The following CDC123 variants were observed in gnomAD, a reference collection of about 807,000 sequenced individuals.
CDC123 encodes cell division cycle 123.
In CDC123, 37 loss-of-function variants were observed where a neutral mutation model predicts 54.4. The observed-to-expected ratio is 0.68, with a 90% CI of 0.52 to 0.89. The LOEUF (loss-of-function observed/expected upper bound fraction) is 0.89. Ranked by LOEUF, CDC123 falls within the 40% of genes least tolerant of loss-of-function variation. The probability of loss-of-function intolerance (pLI) is 0.00; values close to 1 mark genes in which losing one functional copy is unlikely to be tolerated. For synonymous variants in CDC123, 144 were observed against 136.8 expected (o/e 1.05, Z -0.37); for missense variants, 361 against 412.1 (o/e 0.88, Z 1.07).
chr10:12,196,644 T>A (rs1264324829), intron 1 of CDC123, among the ~76,000 whole-genome samples: 1 of 152,148 alleles, frequency 6.6e-6, no homozygotes, highest in Non-Finnish European at 1.5e-5. Context: ...CTCGGAGAAT[T>A]AATTGCTTTT....
chr10:12,242,557 CA>C (rs1463823357), intron 10 of CDC123, among the ~76,000 whole-genome samples: 2 of 152,184 alleles, frequency 1.3e-5, no homozygotes, highest in African/African-American at 4.8e-5. Context: ...TCAGCTGGTA[CA>C]AGGACAGTTA....
chr10:12,209,931 C>T (rs931042498), intron 2 of CDC123, 36 bp from the exon 3 acceptor site: 2 of 1,607,720 alleles, frequency 1.2e-6, no homozygotes, highest in African/African-American at 2.7e-5. Context: ...GTGCCCAAGT[C>T]CTTTTCTTTC....
chr10:12,238,703 T>C (rs1836012365), intron 10 of CDC123, among the ~76,000 whole-genome samples: 1 of 151,260 alleles, frequency 6.6e-6, no homozygotes, highest in Admixed American at 6.6e-5. Flanking sequence ...TAGTGAGCCC[T>C]CATCTCTACT....
chr10:12,210,318 T>C lies in CDC123; in HGVS notation c.233T>C (p.Leu78Pro), dbSNP rs576857381. 3 of 1,614,122 alleles carry C rather than the reference T, an allele frequency of 1.9e-6. No homozygotes were observed. The highest frequency in any genetic ancestry group is 2.2e-5 in the East Asian group (1 of 44,892). ...TCTGATGATGAGAACACAGCCACGC[T>C]TACGGTAAGAGCACAGCAGACTCAG... ...QWSDDENTAT[L>P]TAPEFPEFAT... The change falls in exon 4 of 13, where the codon CTT becomes CCT. Residue 78 changes from leucine to proline, a missense_variant. Physicochemically the swap from Leu to Pro is moderately conservative, Grantham distance 98. Coordinates refer to ENST00000281141, the MANE Select transcript of CDC123 (RefSeq NM_006023.3).
At chr10:12,231,849 CT>C (rs969440056) in intron 7 of CDC123, among the ~76,000 whole-genome samples, 17 of 151,346 alleles carry the variant, frequency 1.1e-4, no homozygotes, top group Non-Finnish European at 2.5e-4. Context: ...ACTTTTTTTT[CT>C]TTTTTTCTTT....
intron 12 of CDC123, 47 bp from the exon 13 acceptor site, chr10:12,250,264 C>T (rs745596211): frequency 3.1e-6 from 4 of 1,294,806 alleles, no homozygotes; most frequent in African/African-American, 3.0e-5. Context: ...AGCAGATATC[C>T]CAAGGAGCAT....
chr10:12,230,997 G>A lies in CDC123; in HGVS notation c.489+1G>A, dbSNP rs1835895703. ...TCCAGATCCATGTATAGAATATGAG[G>A]TAAGAAGCTTATTTTCTTTGATAAT... On this transcript the variant is annotated splice_donor_variant, in intron 7 of 12. Transcript: ENST00000281141. LOFTEE classifies it high-confidence loss of function. 2 of 1,601,694 alleles carry A rather than the reference G, an allele frequency of 1.2e-6. No homozygotes were observed. Among genetic ancestry groups the A allele is most frequent in the South Asian group, 2.2e-5 (2 of 89,120 alleles).
At position 12,250,469 on chromosome 10, in the gene CDC123, T is replaced by G. The variant is rs1344186064; in HGVS notation, c.*132T>G. The G allele has an allele frequency of 1.3e-6, 1 of 749,008 alleles. No homozygotes were observed. 46.4% of individuals were successfully genotyped at this position (749,008 alleles called of 1,614,324 possible). A position where few individuals can be genotyped will look rare whatever the true frequency, so the allele number is the denominator to read the frequency against. On this transcript the variant is annotated 3_prime_UTR_variant, in exon 13 of 13. Coordinates refer to ENST00000281141, the MANE Select transcript of CDC123 (RefSeq NM_006023.3). ...GGACATCAGCCACTTTTTATATTCA[T>G]GTACATTCACCTGGGGAAAAAAACG...
chr10:12,243,715 C>T (rs1188539255), intron 10 of CDC123, among the ~76,000 whole-genome samples: 1 of 149,140 alleles, frequency 6.7e-6, no homozygotes, highest in Non-Finnish European at 1.5e-5. Context: ...ACTCGGGAGG[C>T]GGAGGTTGTA....
chr10:12,205,838 A>C (rs1449238269), intron 2 of CDC123, among the ~76,000 whole-genome samples: 1 of 151,278 alleles, frequency 6.6e-6, no homozygotes, highest in Non-Finnish European at 1.5e-5. Context: ...TCACTGTGTC[A>C]CCTAGGCTGG....
intron 6 of CDC123, 70 bp downstream of exon 6, chr10:12,217,537 C>T (rs1564436056): frequency 1.3e-6 from 2 of 1,490,558 alleles, no homozygotes; most frequent in African/African-American, 1.4e-5. Context: ...GATGAAATTC[C>T]ATTACTTATA....
intron 5 of CDC123, among the ~76,000 whole-genome samples, chr10:12,216,160 AG>A (rs959963248): frequency 7.3e-4 from 111 of 152,346 alleles, no homozygotes; most frequent in African/African-American, 2.6e-3. Context: ...TTTGTTGAAA[AG>A]TAATAAAAAT....
intron 7 of CDC123, among the ~76,000 whole-genome samples, chr10:12,234,090 A>G (rs4397742): frequency 0.15 from 22,155 of 151,888 alleles, 1,792 homozygotes; most frequent in East Asian, 0.21. Flanking sequence ...ATTTTACTAT[A>G]TTTTATTTTA....
intron 10 of CDC123, chr10:12,245,250 CT>C (rs1836115697): frequency 5.7e-4 from 2 of 3,530 alleles, no homozygotes; most frequent in Non-Finnish European, 1.1e-3. Context: ...CTGCTGGAAT[CT>C]TTTTTTCTTT....
At chr10:12,237,694 A>C (rs1361119441) in intron 9 of CDC123, among the ~76,000 whole-genome samples, 1 of 152,194 alleles carries the variant, frequency 6.6e-6, no homozygotes, top group Non-Finnish European at 1.5e-5. Flanking sequence ...TCAGCCTCAC[A>C]GTGTGCTGGG....
At chr10:12,211,507 C>T (rs751522151) in intron 4 of CDC123, among the ~76,000 whole-genome samples, 1 of 152,210 alleles carries the variant, frequency 6.6e-6, no homozygotes, top group African/African-American at 2.4e-5. Context: ...TCATTTACTC[C>T]AGATGCCATT....
At chr10:12,209,488 G>C (rs1301977227) in intron 2 of CDC123, among the ~76,000 whole-genome samples, 1 of 152,166 alleles carries the variant, frequency 6.6e-6, no homozygotes, top group African/African-American at 2.4e-5. Context: ...TCCCATCTCA[G>C]CCTCTCAAAG....
At chr10:12,230,394 T>C (rs1302198081) in intron 6 of CDC123, among the ~76,000 whole-genome samples, 2 of 152,164 alleles carry the variant, frequency 1.3e-5, no homozygotes, top group Non-Finnish European at 1.5e-5. Flanking sequence ...GGTATCACCA[T>C]GTTGGCCAGG....
chr10:12,218,862 G>A (rs750985227), intron 6 of CDC123, among the ~76,000 whole-genome samples: 7 of 152,204 alleles, frequency 4.6e-5, no homozygotes, highest in Non-Finnish European at 8.8e-5. Flanking sequence ...CTGCTGAGCC[G>A]CAGGTGCTCT....
Sources: gnomAD v4.1 joint callset for allele counts (sites outside exome capture counted in the v4.1 genomes callset) on GRCh38, gnomAD v4.1.1 for gene constraint, MANE v1.5 for transcripts, NCBI Gene and HGNC (gene_info 2026-07-23, HGNC 2026-07-21) for gene names.